RANBP3: variants seen among roughly 807,000 people sequenced by gnomAD.
The protein encoded by RANBP3 is RAN binding protein 3.
RANBP3 carries 14 observed loss-of-function variants against 77.3 expected under a neutral mutation model. The ratio of observed to expected loss-of-function variants is 0.18; its 90% CI spans 0.12 to 0.28. The LOEUF is 0.28. Ranked by LOEUF, RANBP3 falls within the 10% of genes least tolerant of loss-of-function variation. RANBP3 has a pLI of 1.00. For synonymous variants in RANBP3, 315 were observed against 312.4 expected (o/e 1.01, Z -0.09); for missense variants, 586 against 752.3 (o/e 0.78, Z 2.59).
intron 2 of RANBP3, among the ~76,000 whole-genome samples, chr19:5,957,430 A>G (rs2058347750): frequency 1.3e-5 from 2 of 152,056 alleles, no homozygotes; most frequent in Non-Finnish European, 2.9e-5. Flanking sequence ...CAAACAAATG[A>G]ACAATTACTC....
chr19:5,919,683 G>A (rs1264913943), intron 14 of RANBP3, among the ~76,000 whole-genome samples: 2 of 152,160 alleles, frequency 1.3e-5, no homozygotes, highest in Non-Finnish European at 2.9e-5. Context: ...CAGATCACCT[G>A]AGGTCAGGAG....
chr19:5,928,302 CAG>C (rs1381699880), intron 8 of RANBP3: 3 of 417,798 alleles, frequency 7.2e-6, no homozygotes, highest in African/African-American at 4.1e-5. Context: ...GCCTGGGTGA[CAG>C]AGCAAAAACC....
rs1406265473 is a variant in RANBP3 at position 5,952,796 on chromosome 19, A to C, written c.79-1200T>G. Among the ~76,000 whole-genome samples the C allele has an allele frequency of 6.6e-6, 1 of 152,212 alleles. No individual in the cohort carries two copies. Among genetic ancestry groups the C allele is most frequent in the Non-Finnish European group, 1.5e-5 (1 of 68,034 alleles). ...CAAAAGCAATCTTCACTCAAAAGTAATCAAGGGGACACTGTCGCCTCTTCG... is the reference window on the plus strand; with the variant it reads ...CAAAAGCAATCTTCACTCAAAAGTACTCAAGGGGACACTGTCGCCTCTTCG... On this transcript the variant is annotated intron_variant, in intron 2 of 16. Coordinates refer to ENST00000340578, the MANE Select transcript of RANBP3 (RefSeq NM_007322.3). This position sits in a 1 kb window ranked among gnomAD's most constrained non-coding sequence, Gnocchi z 4.1.
intron 1 of RANBP3, among the ~76,000 whole-genome samples, chr19:5,968,281 C>T (rs143026679): frequency 6.6e-6 from 1 of 152,322 alleles, no homozygotes; most frequent in Non-Finnish European, 1.5e-5. Context: ...CTGGAGAGCG[C>T]GGGCTCTGGT....
intron 6 of RANBP3, chr19:5,932,875 C>T: frequency 2.7e-6 from 1 of 373,268 alleles, no homozygotes. Flanking sequence ...TACCTGGAGG[C>T]TCAGGACTCG....
intron 1 of RANBP3, among the ~76,000 whole-genome samples, chr19:5,977,503 G>A (rs1017420766): frequency 3.9e-5 from 6 of 152,278 alleles, no homozygotes; most frequent in Admixed American, 2.6e-4. Context: ...GGGGGAACTG[G>A]CGGGAAGTGG....
rs116467332 is a variant in RANBP3 at position 5,924,094 on chromosome 19, G to C, written c.997-180C>G. ...GTGGTCCCTCAGGCATCACTACGGG[G>C]TGAGTGCCACCAGCCGACAGTCCCC... On this transcript the variant is annotated intron_variant, in intron 11 of 16. Coordinates refer to ENST00000340578, the MANE Select transcript of RANBP3 (RefSeq NM_007322.3). The surrounding 1 kb of genome is among the most constrained non-coding windows in gnomAD (Gnocchi z 4.7). 8.8e-3 allele frequency among the ~76,000 whole-genome samples: 1,334 copies of C among 152,314 alleles called. 17 individuals are homozygous for C. Among genetic ancestry groups the C allele is most frequent in the African/African-American group, 0.031 (1,275 of 41,564 alleles).
intron 3 of RANBP3, among the ~76,000 whole-genome samples, chr19:5,948,969 G>A (rs1276130045): frequency 6.6e-6 from 1 of 152,174 alleles, no homozygotes; most frequent in African/African-American, 2.4e-5. Context: ...CAGGAAGTCT[G>A]ATATATAGAG....
intron 1 of RANBP3, among the ~76,000 whole-genome samples, chr19:5,965,541 G>T (rs918577336): frequency 6.6e-6 from 1 of 152,176 alleles, no homozygotes; most frequent in Non-Finnish European, 1.5e-5. Context: ...AGAGGGTGCT[G>T]TAGAGCCCCT....
intron 5 of RANBP3, among the ~76,000 whole-genome samples, chr19:5,937,943 C>T (rs1476793377): frequency 6.6e-6 from 1 of 152,190 alleles, no homozygotes; most frequent in African/African-American, 2.4e-5. Flanking sequence ...CCGTGGCAGG[C>T]TCTGTGCCCC....
intron 14 of RANBP3, among the ~76,000 whole-genome samples, chr19:5,919,588 A>C (rs1223027864): frequency 6.6e-6 from 1 of 152,190 alleles, no homozygotes; most frequent in Non-Finnish European, 1.5e-5. Context: ...CCACGAGACA[A>C]AAGGAAAAAC....
intron 6 of RANBP3, chr19:5,932,781 T>C: frequency 1.8e-6 from 1 of 542,680 alleles, no homozygotes; most frequent in Non-Finnish European, 3.3e-6. Context: ...ATTAATCCAG[T>C]TAGCACAGTA....
intron 1 of RANBP3, among the ~76,000 whole-genome samples, chr19:5,964,549 T>C (rs891171236): frequency 2.6e-5 from 4 of 151,944 alleles, no homozygotes; most frequent in Non-Finnish European, 5.9e-5. Flanking sequence ...TCTGAACATA[T>C]GACACAGGGG....
At chr19:5,978,035 C>A (rs769661097) in intron 1 of RANBP3, 26 bp downstream of exon 1, 1 of 1,609,152 alleles carries the variant, frequency 6.2e-7, no homozygotes, top group Non-Finnish European at 8.5e-7. Context: ...CGGCCGCCAG[C>A]CGGTCCCCAA....
chr19:5,954,868 C>T (rs918330724), intron 2 of RANBP3, among the ~76,000 whole-genome samples: 2 of 152,210 alleles, frequency 1.3e-5, no homozygotes, highest in Admixed American at 6.5e-5. Flanking sequence ...TACTTTCCAC[C>T]TCACTCCCCA....
chr19:5,957,980 A>G lies in RANBP3; in HGVS notation c.23-7T>C. ...GGAGCAATGGCAGGCTTTTCTGCAA[A>G]AAGAAAAATTAGTTTTTTTCCCCCC... On this transcript the variant is annotated splice_polypyrimidine_tract_variant and splice_region_variant and intron_variant, in intron 1 of 16. Coordinates refer to ENST00000340578, the MANE Select transcript of RANBP3 (RefSeq NM_007322.3). 1 of 1,614,228 alleles carries G rather than the reference A, an allele frequency of 6.2e-7. No homozygotes were observed. Among genetic ancestry groups the G allele is most frequent in the Non-Finnish European group, 8.5e-7 (1 of 1,180,016 alleles).
intron 3 of RANBP3, among the ~76,000 whole-genome samples, chr19:5,942,374 T>C (rs1022957551): frequency 6.6e-6 from 1 of 152,008 alleles, no homozygotes; most frequent in African/African-American, 2.4e-5. Flanking sequence ...TTGCGAAGTG[T>C]TTAGAACAGA....
chr19:5,966,810 A>G (rs1045337417), intron 1 of RANBP3, among the ~76,000 whole-genome samples: 5 of 152,242 alleles, frequency 3.3e-5, no homozygotes, highest in African/African-American at 7.2e-5. Context: ...CTAGAAAGCA[A>G]TTGAGAACTC....
chr19:5,960,785 G>A (rs1289712460), intron 1 of RANBP3, among the ~76,000 whole-genome samples: 4 of 152,248 alleles, frequency 2.6e-5, no homozygotes, highest in Non-Finnish European at 4.4e-5. Flanking sequence ...GGAGGCCTGG[G>A]CAGGCTGTGG....
Sources: gnomAD v4.1 joint callset for allele counts (sites outside exome capture counted in the v4.1 genomes callset) on GRCh38, gnomAD v4.1.1 for gene constraint, Gnocchi (gnomAD v3.1) non-coding constraint, MANE v1.5 for transcripts, NCBI Gene and HGNC (gene_info 2026-07-23, HGNC 2026-07-21) for gene names.